Variants in PTPRJ observed in about 807,000 individuals in gnomAD.
PTPRJ encodes the protein protein tyrosine phosphatase receptor type J, also known as receptor-type tyrosine-protein phosphatase eta.
PTPRJ carries 129 observed loss-of-function variants against 141.3 expected under a neutral mutation model. The ratio of observed to expected loss-of-function variants is 0.91; its 90% CI spans 0.79 to 1.06. The LOEUF (loss-of-function observed/expected upper bound fraction) is 1.06. PTPRJ is among the 50% of genes least tolerant of loss of function. PTPRJ has a pLI of 0.00. For synonymous variants in PTPRJ, 610 were observed against 640.5 expected (o/e 0.95, Z 0.72); for missense variants, 1,601 against 1,679.7 (o/e 0.95, Z 0.82).
chr11:48,069,130 C>T (rs898626083), intron 1 of PTPRJ, among the ~76,000 whole-genome samples: 9 of 151,044 alleles, frequency 6.0e-5, no homozygotes, highest in Admixed American at 2.0e-4. Context: ...GATGGAGTCT[C>T]GCTCTGATGC....
intron 1 of PTPRJ, among the ~76,000 whole-genome samples, chr11:48,097,752 T>G (rs1856049470): frequency 2.6e-5 from 4 of 152,150 alleles, no homozygotes; most frequent in Admixed American, 2.0e-4. Context: ...TGCCCCAGGC[T>G]AGTCTCAAAC....
chr11:48,165,964 G>A (rs1025524306), intron 24 of PTPRJ, among the ~76,000 whole-genome samples: 2 of 151,570 alleles, frequency 1.3e-5, no homozygotes, highest in South Asian at 2.1e-4. Context: ...GGGTTCAAGC[G>A]ATTCCCCTGC....
intron 1 of PTPRJ, among the ~76,000 whole-genome samples, chr11:48,022,262 C>T (rs1256730966): frequency 2.0e-5 from 3 of 151,938 alleles, no homozygotes; most frequent in Non-Finnish European, 4.4e-5. Context: ...GTCAGGAGTT[C>T]GAGACCAGCC....
At position 48,120,999 on chromosome 11, in the gene PTPRJ, A is replaced by G; in HGVS notation, c.353-4A>G. On this transcript the variant is annotated splice_region_variant and splice_polypyrimidine_tract_variant and intron_variant, in intron 3 of 24. Coordinates refer to ENST00000418331, the MANE Select transcript of PTPRJ (RefSeq NM_002843.4). ...TAATTTTTTTTTTTTTTTTAACAAT[A>G]TAGGGCCCAGTCCTGTGTTTGACAT... The G allele has an allele frequency of 1.3e-6, 2 of 1,561,784 alleles. No homozygotes were observed. The highest frequency in any genetic ancestry group is 1.7e-6 in the Non-Finnish European group (2 of 1,153,858).
At chr11:48,017,072 T>C (rs1047800109) in intron 1 of PTPRJ, among the ~76,000 whole-genome samples, 5 of 152,204 alleles carry the variant, frequency 3.3e-5, no homozygotes, top group African/African-American at 1.2e-4. Context: ...ATTTTCCCAT[T>C]TTTACAAGTG....
chr11:48,146,893 GT>G lies in PTPRJ; in HGVS notation c.2934del (p.Phe978LeufsTer11). ...PQDPGVICGA[V>X]FGCIFGALVI... Reference sequence around the variant, plus strand: ...TTTCTCAGGTGTCATCTGTGGAGCGGTTTTTGGCTGTATCTTTGGTGCCCTG... The same window carrying G: ...TTTCTCAGGTGTCATCTGTGGAGCGGTTTTGGCTGTATCTTTGGTGCCCTG... On this transcript the variant is annotated frameshift_variant, in exon 15 of 25. Coordinates refer to ENST00000418331, the MANE Select transcript of PTPRJ (RefSeq NM_002843.4). LOFTEE classifies it high-confidence loss of function. 6.2e-7 allele frequency: 1 copy of G among 1,614,080 alleles called. No homozygotes were observed. Among genetic ancestry groups the G allele is most frequent in the Non-Finnish European group, 8.5e-7 (1 of 1,180,002 alleles).
chr11:48,019,872 G>A (rs1183152415), intron 1 of PTPRJ, among the ~76,000 whole-genome samples: 1 of 152,130 alleles, frequency 6.6e-6, no homozygotes, highest in Non-Finnish European at 1.5e-5. Context: ...GGAAAGATTT[G>A]TGTTGGTACC....
At chr11:48,097,758 C>G (rs1856049614) in intron 1 of PTPRJ, among the ~76,000 whole-genome samples, 1 of 152,124 alleles carries the variant, frequency 6.6e-6, no homozygotes, top group African/African-American at 2.4e-5. Context: ...AGGCTAGTCT[C>G]AAACTCCTGA....
rs150161307 is a variant in PTPRJ at position 48,108,465 on chromosome 11, A to G, written c.97-1593A>G. ...GGTCTCAGCTCTTAGCCATCACTCC[A>G]TGGTTCTGTGCTGAGACAAGGGATG... On this transcript the variant is annotated intron_variant, in intron 1 of 24. Coordinates refer to ENST00000418331, the MANE Select transcript of PTPRJ (RefSeq NM_002843.4). 5.6e-3 allele frequency among the ~76,000 whole-genome samples: 854 copies of G among 152,274 alleles called. 13 individuals are homozygous for G. Among genetic ancestry groups the G allele is most frequent in the African/African-American group, 0.019 (803 of 41,560 alleles).
intron 6 of PTPRJ, among the ~76,000 whole-genome samples, chr11:48,126,817 C>T (rs112097257): frequency 0.1 from 15,229 of 146,516 alleles, 870 homozygotes; most frequent in South Asian, 0.14. Flanking sequence ...CACACACACA[C>T]ACAGATAAAC....
At chr11:48,147,065 G>A (rs1392217756) in intron 15 of PTPRJ, 102 bp downstream of exon 15, 1 of 983,206 alleles carries the variant, frequency 1.0e-6, no homozygotes, top group Non-Finnish European at 1.6e-6. Context: ...GATATGATGA[G>A]CGCCATGTTC....
chr11:48,053,442 ATATT>A lies in PTPRJ; in HGVS notation c.97-56615_97-56612del, dbSNP rs1453256516. Among the ~76,000 whole-genome samples, 19 of 113,870 alleles carry A rather than the reference ATATT, an allele frequency of 1.7e-4. No homozygotes were observed. In the East Asian group the frequency reaches 4.2e-3, roughly 25 times the overall value. The allele number at this position is 113,870 out of a possible 152,430, so 74.7% of individuals were successfully genotyped here. ...TATATATGTATAAAATATATATTAT[ATATT>A]ATATACTATATATTATATATAATAT... On this transcript the variant is annotated intron_variant, in intron 1 of 24. Coordinates refer to ENST00000418331, the MANE Select transcript of PTPRJ (RefSeq NM_002843.4).
intron 1 of PTPRJ, among the ~76,000 whole-genome samples, chr11:48,070,011 A>G (rs1855201652): frequency 6.6e-6 from 1 of 152,232 alleles, no homozygotes; most frequent in Admixed American, 6.5e-5. Flanking sequence ...AATATAATGA[A>G]CAAAAGTGAT....
In PTPRJ at chr11:48,169,386, G is replaced by C. The variant is rs934976088; in HGVS notation, c.*2024G>C. On this transcript the variant is annotated 3_prime_UTR_variant, in exon 25 of 25. Transcript: ENST00000418331. ...GGGCCCTCTTGACCTAACTTCAGAG[G>C]GGGCCTTGGCTCAGTAGGTGTGAAT... The C allele has an allele frequency of 6.6e-6, 1 of 152,170 alleles. No homozygotes were observed. Among genetic ancestry groups the C allele is most frequent in the African/African-American group, 2.4e-5 (1 of 41,434 alleles). The allele number at this position is 152,170 out of a possible 1,614,324, so 9.4% of individuals were successfully genotyped here.
At chr11:48,050,703 C>T (rs1287689635) in intron 1 of PTPRJ, among the ~76,000 whole-genome samples, 1 of 128,300 alleles carries the variant, frequency 7.8e-6, no homozygotes. Context: ...TCAAATAGAA[C>T]AGTAAATTTA....
rs1347296145 is a variant in PTPRJ, at chr11:48,150,071, A to G, written c.3051-25A>G. The G allele has an allele frequency of 3.1e-6, 5 of 1,594,546 alleles. No homozygotes were observed. The South Asian group carries it at 3.3e-5, about 11-fold the overall frequency. On this transcript the variant is annotated intron_variant, in intron 17 of 24. Coordinates refer to ENST00000418331, the MANE Select transcript of PTPRJ (RefSeq NM_002843.4). The stretch of plus-strand genomic sequence containing the variant: ...ATATGGACTTCACTGAATGTAAAAA[A>G]TCCTGATAAGTTTTGTTTTCTTAGA...
intron 9 of PTPRJ, 41 bp downstream of exon 9, chr11:48,136,337 A>G (rs751975010): frequency 1.3e-6 from 2 of 1,594,440 alleles, no homozygotes; most frequent in East Asian, 4.5e-5. Flanking sequence ...CAGCCTCTCT[A>G]ACTGTCTCTT....
chr11:48,000,141 T>C lies in PTPRJ; in HGVS notation c.96+19133T>C, dbSNP rs1027905661. ...CCCAAAGTGCTGGTATGCCTGGCCCTTTTTTTTTTTTTTTTTTGAGATAGG... is the reference window on the plus strand; with the variant it reads ...CCCAAAGTGCTGGTATGCCTGGCCCCTTTTTTTTTTTTTTTTTGAGATAGG... On this transcript the variant is annotated intron_variant, in intron 1 of 24. Transcript: ENST00000418331. 2.0e-4 allele frequency among the ~76,000 whole-genome samples: 25 copies of C among 127,646 alleles called. No homozygotes were observed. The South Asian group carries it at 2.9e-3, about 15-fold the overall frequency. 83.7% of individuals were successfully genotyped at this position (127,646 alleles called of 152,430 possible).
At chr11:48,130,010 C>CA (rs5791800) in intron 7 of PTPRJ, among the ~76,000 whole-genome samples, 72,535 of 151,086 alleles carry the variant, frequency 0.48, 19,967 homozygotes, top group Admixed American at 0.6. Flanking sequence ...GGTATGCACA[C>CA]ACAGGGCTAA....
Sources: allele counts gnomAD v4.1 joint callset (sites outside exome capture counted in the v4.1 genomes callset), GRCh38; gene constraint gnomAD v4.1.1; transcripts MANE v1.5; gene names NCBI Gene and HGNC (gene_info 2026-07-23, HGNC 2026-07-21).